Variants in VWDE observed in about 807,000 individuals in gnomAD.
VWDE encodes von Willebrand factor D and EGF domains, also known as von Willebrand factor D and EGF domain-containing protein.
In VWDE, 207 loss-of-function variants were observed where a neutral mutation model predicts 178.4. The observed-to-expected ratio is 1.16, with a 90% CI of 1.04 to 1.30. The LOEUF (loss-of-function observed/expected upper bound fraction) is 1.30, where lower values mean the gene tolerates loss of function less well. Ranked by LOEUF, VWDE falls within the 50% of genes most tolerant of loss-of-function variation. The probability of loss-of-function intolerance (pLI) is 0.00; values close to 1 mark genes in which losing one functional copy is unlikely to be tolerated. For missense variants in VWDE, 2,287 were observed against 1,901.3 expected (o/e 1.20, Z -3.77); for synonymous variants, 738 against 651.4 (o/e 1.13, Z -2.02).
At chr7:12,388,883 T>C (rs1784232191) in intron 3 of VWDE, 1 of 667,734 alleles carries the variant, frequency 1.5e-6, no homozygotes, top group Admixed American at 2.1e-5. Flanking sequence ...AATCATTATG[T>C]CCAGTGGAAA....
At chr7:12,397,363 C>A (rs1297735917) in intron 1 of VWDE, among the ~76,000 whole-genome samples, 3 of 152,072 alleles carry the variant, frequency 2.0e-5, no homozygotes, top group Middle Eastern at 3.2e-3. Context: ...AACTGGCTAG[C>A]CATAGGCAGA....
intron 16 of VWDE, among the ~76,000 whole-genome samples, chr7:12,359,290 A>T (rs1448052899): frequency 2.6e-5 from 4 of 152,172 alleles, no homozygotes; most frequent in African/African-American, 9.7e-5. Flanking sequence ...TTTGAGCTTA[A>T]ATGGTTAATA....
rs1488182499 is a variant in VWDE at position 12,370,392 on chromosome 7, C to T, written c.1914G>A (p.Leu638=). The T allele has an allele frequency of 1.3e-6, 2 of 1,549,820 alleles. No individual in the cohort carries two copies. The highest frequency in any genetic ancestry group is 1.2e-5 in the South Asian group (1 of 84,052). ...DTAAYPSSED[L]DSVSRSEIAL... is the part of the protein sequence containing the mutation. ...CAATTTCTGATCGAGAAACACTGTC[C>T]AGATCTTCGGAAGACGGATACGCTG... The change falls in exon 12 of 29, where the codon CTG becomes CTA. Residue 638 remains leucine (L), a synonymous_variant. Coordinates refer to ENST00000275358, the MANE Select transcript of VWDE (RefSeq NM_001135924.3).
chr7:12,373,532 C>T (rs1286131303), intron 9 of VWDE, among the ~76,000 whole-genome samples: 6 of 151,980 alleles, frequency 3.9e-5, no homozygotes, highest in Non-Finnish European at 8.8e-5. Context: ...TAAATGTCAC[C>T]CTCACCAAAT....
chr7:12,378,513 A>G (rs978939999), intron 6 of VWDE, among the ~76,000 whole-genome samples: 4 of 152,162 alleles, frequency 2.6e-5, no homozygotes, highest in Non-Finnish European at 5.9e-5. Context: ...GTTTCCATGC[A>G]GTCTCGAGTC....
At position 12,370,836 on chromosome 7, in the gene VWDE, C is replaced by T. The variant is rs113837218; in HGVS notation, c.1616G>A (p.Arg539His). The T allele has an allele frequency of 2.0e-3, 3,092 of 1,541,480 alleles. 68 individuals carry two copies. In the African/African-American group the frequency reaches 0.038, roughly 19 times the overall value. ...CATGCCCCATTCACCAAGATCAGCACGGATAAATGCCCCAGAAGAAAACCA... is the reference window on the plus strand; with the variant it reads ...CATGCCCCATTCACCAAGATCAGCATGGATAAATGCCCCAGAAGAAAACCA... Reference protein sequence around the residue: ...TIWFSSGAFIRADLGEWGMSL... With the variant: ...TIWFSSGAFIHADLGEWGMSL... The change falls in exon 11 of 29, where the codon CGT becomes CAT. Residue 539 changes from arginine to histidine, a missense_variant. By Grantham distance (29) the Arg-to-His change is conservative. Coordinates refer to ENST00000275358, the MANE Select transcript of VWDE (RefSeq NM_001135924.3).
chr7:12,370,332 T>A lies in VWDE; in HGVS notation c.1974A>T (p.Leu658Phe), dbSNP rs1223296699. 2 of 1,551,304 alleles carry A rather than the reference T, an allele frequency of 1.3e-6. No individual in the cohort carries two copies. The highest frequency in any genetic ancestry group is 2.7e-5 in the African/African-American group (2 of 73,132). Residue 658 changes from leucine to phenylalanine, a missense_variant, in exon 12 of 29, where the codon TTA becomes TTT. Physicochemically the swap from Leu to Phe is conservative, Grantham distance 22. Transcript: ENST00000275358. Reference protein sequence around the residue: ...LGCKDLNHVSLSSLIPELDVT... With the variant: ...LGCKDLNHVSFSSLIPELDVT... ...CATCTAGTTCTGGTATCAAAGAAGA[T>A]AAGCTGACATGATTGAGGTCTTTGC...
At chr7:12,384,829 T>C (rs1438600156) in intron 3 of VWDE, among the ~76,000 whole-genome samples, 2 of 152,072 alleles carry the variant, frequency 1.3e-5, no homozygotes, top group African/African-American at 4.8e-5. Flanking sequence ...GGTAGGCTCA[T>C]CAGATTGCTT....
Position 12,339,810 on chromosome 7 carries a change from A to G in VWDE, c.4366+512T>C, listed in dbSNP as rs571993981. ...CCGAAAATAACCTGCAATATTAACT[A>G]TATGAGGGAAAGTGTTAAAATACTA... On this transcript the variant is annotated intron_variant, in intron 24 of 28. Coordinates refer to ENST00000275358, the MANE Select transcript of VWDE (RefSeq NM_001135924.3). 2.0e-5 allele frequency among the ~76,000 whole-genome samples: 3 copies of G among 152,218 alleles called. No individual in the cohort carries two copies. The South Asian group carries it at 6.2e-4, about 32-fold the overall frequency.
chr7:12,383,664 T>C (rs1783963932), intron 3 of VWDE, 63 bp from the exon 4 acceptor site: 2 of 1,310,904 alleles, frequency 1.5e-6, no homozygotes, highest in Non-Finnish European at 2.1e-6. Flanking sequence ...TCTACATATA[T>C]CCAAGATGAC....
chr7:12,364,852 G>A (rs1189762706), intron 13 of VWDE, among the ~76,000 whole-genome samples: 1 of 152,032 alleles, frequency 6.6e-6, no homozygotes, highest in East Asian at 1.9e-4. Flanking sequence ...GGAAAAACAG[G>A]GAGCTTAAAG....
chr7:12,372,966 A>G lies in VWDE; in HGVS notation c.1587+11T>C. On this transcript the variant is annotated intron_variant, in intron 10 of 28. Coordinates refer to ENST00000275358, the MANE Select transcript of VWDE (RefSeq NM_001135924.3). ...GGAAAAATACTTTCAATGTTAAAGAATCATACATACTGTGACTTTTCTTCC... is the reference window on the plus strand; with the variant it reads ...GGAAAAATACTTTCAATGTTAAAGAGTCATACATACTGTGACTTTTCTTCC... 1.3e-6 allele frequency: 2 copies of G among 1,549,026 alleles called. No homozygotes were observed. The highest frequency in any genetic ancestry group is 1.2e-5 in the South Asian group (1 of 83,522).
At chr7:12,359,944 A>G (rs746731028) in intron 15 of VWDE, among the ~76,000 whole-genome samples, 1 of 152,214 alleles carries the variant, frequency 6.6e-6, no homozygotes, top group Non-Finnish European at 1.5e-5. Flanking sequence ...CTTATAATTT[A>G]TAAATAACAT....
At chr7:12,344,022 T>A (rs1434112121) in intron 21 of VWDE, among the ~76,000 whole-genome samples, 173 bp downstream of exon 21, 1 of 152,114 alleles carries the variant, frequency 6.6e-6, no homozygotes, top group Non-Finnish European at 1.5e-5. Flanking sequence ...TTCTTTAGAA[T>A]CTTTGAATAA....
chr7:12,347,794 G>A (rs1429033625), intron 19 of VWDE, among the ~76,000 whole-genome samples: 1 of 151,908 alleles, frequency 6.6e-6, no homozygotes, highest in Non-Finnish European at 1.5e-5. Flanking sequence ...GAACAAAGCT[G>A]GAGGCATCAC....
At chr7:12,402,217 T>G (rs1251839169) in intron 1 of VWDE, among the ~76,000 whole-genome samples, 1 of 152,226 alleles carries the variant, frequency 6.6e-6, no homozygotes, top group Non-Finnish European at 1.5e-5. Flanking sequence ...AAATATGTTC[T>G]AAAATTGACT....
chr7:12,361,931 G>T (rs192006246), intron 13 of VWDE, among the ~76,000 whole-genome samples: 1 of 151,856 alleles, frequency 6.6e-6, no homozygotes, highest in East Asian at 1.9e-4. Context: ...TGTCCTTTCT[G>T]CCCCCTACAC....
chr7:12,377,405 T>G (rs938377440), intron 7 of VWDE, among the ~76,000 whole-genome samples: 1 of 152,118 alleles, frequency 6.6e-6, no homozygotes, highest in Non-Finnish European at 1.5e-5. Flanking sequence ...TGGGGATGAT[T>G]TGAAAAATCT....
Position 12,372,985 on chromosome 7 carries a change from T to C in VWDE, c.1579A>G (p.Lys527Glu), listed in dbSNP as rs1207922863. Residue 527 changes from lysine to glutamate, a missense_variant, in exon 10 of 29, where the codon AAA (lysine) becomes GAA (glutamate). Lys to Glu is a moderately conservative substitution (Grantham distance 56). Transcript: ENST00000275358. ...IKISESYLGR[K>E]VTIWFSSGAF... is the part of the protein sequence containing the mutation. ...TAAAGAATCATACATACTGTGACTT[T>C]TCTTCCTAAGTAAGATTCACTTATC... 23 of 1,550,984 alleles carry C rather than the reference T, an allele frequency of 1.5e-5. No homozygotes were observed. The East Asian group carries it at 5.6e-4, about 38-fold the overall frequency.
Sources: allele counts gnomAD v4.1 joint callset (sites outside exome capture counted in the v4.1 genomes callset), GRCh38; gene constraint gnomAD v4.1.1; transcripts MANE v1.5; gene names NCBI Gene and HGNC (gene_info 2026-07-23, HGNC 2026-07-21).